Variants in CCDC7 observed in about 807,000 individuals in gnomAD.
The protein encoded by CCDC7 is coiled-coil domain-containing protein 7.
Under a neutral mutation model 196.9 loss-of-function variants are expected in CCDC7, and 183 were observed. The observed-to-expected ratio is 0.93, with a 90% confidence interval of 0.82 to 1.05. The LOEUF is 1.05. Among genes scored for constraint, CCDC7 ranks in the 50% least tolerant of loss-of-function variants. The pLI is 0.00. For synonymous variants in CCDC7, 525 were observed against 484.6 expected (o/e 1.08, Z -1.10); for missense variants, 1,540 against 1,482.2 (o/e 1.04, Z -0.64).
At chr10:32,836,491 T>G (rs2092611740) in intron 33 of CCDC7, among the ~76,000 whole-genome samples, 1 of 152,152 alleles carries the variant, frequency 6.6e-6, no homozygotes, top group Non-Finnish European at 1.5e-5. Context: ...TAGTTTACGG[T>G]CCCACCAGCA....
At chr10:32,571,720 A>C in intron 15 of CCDC7, 139 bp from the exon 17 acceptor site, 1 of 698,650 alleles carries the variant, frequency 1.4e-6, no homozygotes, top group Non-Finnish European at 2.1e-6. Context: ...AAATATGATA[A>C]TTTCTTTGCT....
intron 21 of CCDC7, among the ~76,000 whole-genome samples, chr10:32,668,436 C>CT (rs1312536772): frequency 6.6e-6 from 1 of 152,100 alleles, no homozygotes; most frequent in Non-Finnish European, 1.5e-5. Context: ...GAGGGCATCC[C>CT]TGTCTTGTGC....
At chr10:32,576,309 A>C (rs373861153) in intron 16 of CCDC7, among the ~76,000 whole-genome samples, 58 of 151,924 alleles carry the variant, frequency 3.8e-4, no homozygotes, top group African/African-American at 1.3e-3. Context: ...GGTTAAAAAA[A>C]AAAAAAAAAG....
At position 32,631,048 on chromosome 10, in the gene CCDC7, G is replaced by A. The variant is rs561245995; in HGVS notation, c.1802-3206G>A. ...ATTCTGTGAGAAGCTCAAGGCAAAG[G>A]AAGGCCATATGTAGGTTCTCTGGTT... On this transcript the variant is annotated intron_variant, in intron 18 of 41. Transcript: ENST00000639629. Among the ~76,000 whole-genome samples the A allele has an allele frequency of 2.6e-3, 399 of 152,308 alleles. 1 individual carries two copies. Among genetic ancestry groups the A allele is most frequent in the Non-Finnish European group, 3.5e-3 (240 of 68,028 alleles).
intron 35 of CCDC7, 82 bp from the exon 37 acceptor site, chr10:32,845,794 C>CACACACAA: frequency 1.7e-6 from 2 of 1,144,762 alleles, no homozygotes; most frequent in Non-Finnish European, 2.6e-6. Context: ...CACACACACA[C>CACACACAA]ATACACACAC....
exon 17 of CCDC7, chr10:32,583,195 T>G (rs1255239465): frequency 3.2e-5 from 39 of 1,231,396 alleles, no homozygotes; most frequent in Non-Finnish European, 3.7e-5. Flanking sequence ...CTTACAACAG[T>G]ATCATCCAGC....
intron 18 of CCDC7, among the ~76,000 whole-genome samples, chr10:32,622,246 C>G (rs2063498811): frequency 6.6e-6 from 1 of 152,122 alleles, no homozygotes. Context: ...CCATAGAGTC[C>G]TATCTACTTG....
intron 16 of CCDC7, among the ~76,000 whole-genome samples, chr10:32,579,594 A>G (rs1463877800): frequency 6.6e-6 from 1 of 152,206 alleles, no homozygotes; most frequent in African/African-American, 2.4e-5. Flanking sequence ...AGCACTCATC[A>G]AATAGTCATT....
intron 25 of CCDC7, among the ~76,000 whole-genome samples, chr10:32,723,237 G>A (rs755710107): frequency 3.3e-5 from 5 of 152,160 alleles, no homozygotes; most frequent in South Asian, 2.1e-4. Flanking sequence ...GAGAGAGTGC[G>A]TGATTACCAG....
chr10:32,643,349 T>C (rs2067182279), intron 20 of CCDC7, among the ~76,000 whole-genome samples: 1 of 152,200 alleles, frequency 6.6e-6, no homozygotes, highest in African/African-American at 2.4e-5. Flanking sequence ...ATGTGTGGTG[T>C]ATCTCTTTTC....
chr10:32,863,987 TA>T (rs199761389), intron 41 of CCDC7, among the ~76,000 whole-genome samples: 28,215 of 137,978 alleles, frequency 0.2, 3,788 homozygotes, highest in African/African-American at 0.39. Flanking sequence ...TACTGACTGG[TA>T]AAAAAAAAAA....
intron 33 of CCDC7, among the ~76,000 whole-genome samples, chr10:32,840,852 T>A (rs1290668368): frequency 1.3e-5 from 2 of 151,706 alleles, no homozygotes; most frequent in African/African-American, 4.8e-5. Context: ...GTTTAACATA[T>A]GCAAGTCAGT....
chr10:32,768,422 A>G (rs955700879), intron 28 of CCDC7, among the ~76,000 whole-genome samples: 25 of 152,126 alleles, frequency 1.6e-4, no homozygotes, highest in African/African-American at 6.0e-4. Context: ...AGAGATTTGG[A>G]GAAGTCTTTA....
intron 13 of CCDC7, among the ~76,000 whole-genome samples, chr10:32,560,696 G>A (rs1296270523): frequency 3.1e-3 from 479 of 152,192 alleles, no homozygotes; most frequent in African/African-American, 0.011. Context: ...AGGAACAACT[G>A]GTACCAGCCA....
intron 29 of CCDC7, among the ~76,000 whole-genome samples, chr10:32,801,789 T>C (rs898901659): frequency 6.6e-6 from 1 of 152,144 alleles, no homozygotes; most frequent in African/African-American, 2.4e-5. Flanking sequence ...GTTAATTTCC[T>C]CAGCAAATGT....
intron 29 of CCDC7, among the ~76,000 whole-genome samples, chr10:32,797,655 G>A (rs531694754): frequency 1.3e-5 from 2 of 151,962 alleles, no homozygotes; most frequent in East Asian, 1.9e-4. Flanking sequence ...CAATGATTAT[G>A]GAAATAAAAA....
At chr10:32,639,559 G>A (rs949807540) in intron 20 of CCDC7, among the ~76,000 whole-genome samples, 4 of 151,518 alleles carry the variant, frequency 2.6e-5, no homozygotes, top group South Asian at 2.1e-4. Flanking sequence ...TTTTGAGTGA[G>A]ATTCTTAATC....
At chr10:32,657,413 T>G (rs1443893885) in intron 20 of CCDC7, among the ~76,000 whole-genome samples, 1 of 152,212 alleles carries the variant, frequency 6.6e-6, no homozygotes, top group Admixed American at 6.5e-5. Context: ...TAGGCAGAAG[T>G]TCCCAAATCT....
At chr10:32,653,770 T>A (rs1475057363) in intron 20 of CCDC7, among the ~76,000 whole-genome samples, 1 of 152,210 alleles carries the variant, frequency 6.6e-6, no homozygotes, top group East Asian at 1.9e-4. Context: ...AGAAAACAAT[T>A]TCATATCACA....
Sources: gnomAD v4.1 joint callset for allele counts (sites outside exome capture counted in the v4.1 genomes callset) on GRCh38, gnomAD v4.1.1 for gene constraint, MANE v1.5 for transcripts, NCBI Gene and HGNC (gene_info 2026-07-23, HGNC 2026-07-21) for gene names.